EEFSEC: variants seen among roughly 807,000 people sequenced by gnomAD.
The protein encoded by EEFSEC is selenocysteine-specific elongation factor.
In EEFSEC, 43 loss-of-function variants were observed where a neutral mutation model predicts 42.1. That is an observed-to-expected ratio of 1.02 (90% CI 0.80 to 1.32). The LOEUF (loss-of-function observed/expected upper bound fraction) is 1.32. Ranked by LOEUF, EEFSEC falls within the 40% of genes most tolerant of loss-of-function variation. EEFSEC has a pLI of 0.00. For missense variants in EEFSEC, 745 were observed against 803.6 expected (o/e 0.93, Z 0.88); for synonymous variants, 354 against 339.1 (o/e 1.04, Z -0.48).
rs1035465672 is a variant in EEFSEC, at chr3:128,341,896, A to G, written c.1443+7A>G. 4 of 1,609,454 alleles carry G rather than the reference A, an allele frequency of 2.5e-6. No homozygotes were observed. Among genetic ancestry groups the G allele is most frequent in the African/African-American group, 1.3e-5 (1 of 74,910 alleles). On this transcript the variant is annotated splice_region_variant and intron_variant, in intron 5 of 6. Coordinates refer to ENST00000254730, the MANE Select transcript of EEFSEC (RefSeq NM_021937.5). ...GCATGGCCTTGTGGAGCGGGTGAGC[A>G]TGCCCTTGCCTGGCCCCACACCCCT...
At chr3:128,260,107 A>T (rs929361025) in intron 2 of EEFSEC, among the ~76,000 whole-genome samples, 2 of 151,830 alleles carry the variant, frequency 1.3e-5, no homozygotes, top group African/African-American at 4.8e-5. Flanking sequence ...TTTACTGCAT[A>T]TAAAATTCTT....
chr3:128,416,567 T>G, the EEFSEC span, among the ~76,000 whole-genome samples: 1 of 152,068 alleles, frequency 6.6e-6, no homozygotes, highest in Admixed American at 6.5e-5. Context: ...GGAGAGAGGC[T>G]TATGGGAAGT....
At chr3:128,172,522 C>T (rs1409849524) in intron 1 of EEFSEC, among the ~76,000 whole-genome samples, 1 of 152,196 alleles carries the variant, frequency 6.6e-6, no homozygotes, top group Admixed American at 6.5e-5. Context: ...TGGTCTCAAA[C>T]TCCTGGGCTC....
At chr3:128,257,955 A>G (rs1486741176) in intron 2 of EEFSEC, among the ~76,000 whole-genome samples, 1 of 152,106 alleles carries the variant, frequency 6.6e-6, no homozygotes, top group Non-Finnish European at 1.5e-5. Flanking sequence ...CTTCTACTCT[A>G]CCTTTTATTT....
At chr3:128,377,070 T>C (rs1039598021) in intron 6 of EEFSEC, among the ~76,000 whole-genome samples, 4 of 152,132 alleles carry the variant, frequency 2.6e-5, no homozygotes, top group Admixed American at 2.6e-4. Context: ...AGAAGTATAA[T>C]AGTAATAGTC....
At chr3:128,338,989 A>T (rs539045530) in intron 4 of EEFSEC, among the ~76,000 whole-genome samples, 1 of 152,274 alleles carries the variant, frequency 6.6e-6, no homozygotes, top group East Asian at 1.9e-4. Flanking sequence ...AGAAAGCCGC[A>T]CAGGCTGCTG....
chr3:128,244,976 C>T (rs1576576586), intron 1 of EEFSEC, among the ~76,000 whole-genome samples: 1 of 152,210 alleles, frequency 6.6e-6, no homozygotes, highest in Non-Finnish European at 1.5e-5. Flanking sequence ...AACCTGTCCC[C>T]TGCTGATGGA....
intron 1 of EEFSEC, among the ~76,000 whole-genome samples, chr3:128,157,910 A>G (rs1944407718): frequency 6.6e-6 from 1 of 152,250 alleles, no homozygotes; most frequent in African/African-American, 2.4e-5. Context: ...GCCCAAGATA[A>G]TAATTCCTCT....
intron 4 of EEFSEC, among the ~76,000 whole-genome samples, chr3:128,287,514 A>G (rs9840219): frequency 0.044 from 6,678 of 152,336 alleles, 489 homozygotes; most frequent in African/African-American, 0.15. Flanking sequence ...CTAAATATGC[A>G]AAGCAAGGCT....
intron 1 of EEFSEC, among the ~76,000 whole-genome samples, chr3:128,223,982 T>TA (rs11410600): frequency 0.17 from 25,120 of 151,392 alleles, 2,150 homozygotes; most frequent in Admixed American, 0.22. Flanking sequence ...ATGTTCCATT[T>TA]AAAAAAAAAA....
Position 128,375,692 on chromosome 3 carries a change from C to T in EEFSEC, c.1600+17319C>T, listed in dbSNP as rs117073887. On this transcript the variant is annotated intron_variant, in intron 6 of 6. Coordinates refer to ENST00000254730, the MANE Select transcript of EEFSEC (RefSeq NM_021937.5). ...AGGTCCTCAATGTTCTCCTCCTTTG[C>T]GCATCTCTTCCAGTGCCACATCGGC... Among the ~76,000 whole-genome samples the T allele has an allele frequency of 1.4e-4, 22 of 152,292 alleles. No homozygotes were observed. The East Asian group carries it at 4.1e-3, about 28-fold the overall frequency.
At chr3:128,398,899 G>C (rs1559958838) in intron 6 of EEFSEC, among the ~76,000 whole-genome samples, 1 of 152,108 alleles carries the variant, frequency 6.6e-6, no homozygotes, top group Admixed American at 6.5e-5. Flanking sequence ...GATGAGGGAT[G>C]GGGGCTATCC....
chr3:128,226,223 A>AT (rs1038831323), intron 1 of EEFSEC, among the ~76,000 whole-genome samples: 36 of 152,226 alleles, frequency 2.4e-4, no homozygotes, highest in African/African-American at 8.0e-4. Flanking sequence ...TAGACAGCCC[A>AT]TGCCGTAAGC....
At chr3:128,414,009 C>T in the EEFSEC span, among the ~76,000 whole-genome samples, 9 of 152,246 alleles carry the variant, frequency 5.9e-5, no homozygotes, top group Admixed American at 4.6e-4. Flanking sequence ...TCCAGTCAGC[C>T]GCTTGGTCCT....
chr3:128,183,563 G>T (rs938104294), intron 1 of EEFSEC, among the ~76,000 whole-genome samples: 12 of 152,148 alleles, frequency 7.9e-5, no homozygotes, highest in Admixed American at 4.6e-4. Flanking sequence ...GTGCTTATTG[G>T]AAATGTGACC....
chr3:128,371,510 A>G (rs2067653425), intron 6 of EEFSEC, among the ~76,000 whole-genome samples: 1 of 152,128 alleles, frequency 6.6e-6, no homozygotes, highest in African/African-American at 2.4e-5. Flanking sequence ...CCAGTTGAGA[A>G]CCACTGGTCT....
chr3:128,379,451 A>G (rs1028350040), intron 6 of EEFSEC, among the ~76,000 whole-genome samples: 1 of 152,250 alleles, frequency 6.6e-6, no homozygotes. Flanking sequence ...AAAATAACAT[A>G]ATTAAAAGAA....
chr3:128,272,722 C>T (rs966795401), intron 4 of EEFSEC, among the ~76,000 whole-genome samples: 3 of 152,142 alleles, frequency 2.0e-5, no homozygotes, highest in Non-Finnish European at 2.9e-5. Context: ...CCTGGTTGGA[C>T]GGGAGCTCAT....
At chr3:128,243,775 A>C (rs1015434456) in intron 1 of EEFSEC, among the ~76,000 whole-genome samples, 3 of 151,706 alleles carry the variant, frequency 2.0e-5, no homozygotes, top group Admixed American at 2.0e-4. Flanking sequence ...GGGAGAGTTG[A>C]TGGGGGGAGG....
Sources: allele counts gnomAD v4.1 joint callset (sites outside exome capture counted in the v4.1 genomes callset), GRCh38; gene constraint gnomAD v4.1.1; transcripts MANE v1.5; gene names NCBI Gene and HGNC (gene_info 2026-07-23, HGNC 2026-07-21).